The following MGMT variants were observed in gnomAD, a reference collection of about 807,000 sequenced individuals.
MGMT encodes methylated-DNA--protein-cysteine methyltransferase.
A neutral mutation model predicts 15.9 loss-of-function variants in MGMT; 14 were observed. That is an observed-to-expected ratio of 0.88 (90% CI 0.58 to 1.37). MGMT has a LOEUF of 1.37. Among genes scored for constraint, MGMT ranks in the 40% most tolerant of loss-of-function variants. The pLI is 0.00. For synonymous variants in MGMT, 130 were observed against 118.2 expected, an observed-to-expected ratio of 1.10 and a Z score of -0.65; for missense variants, 282 against 268.1, an observed-to-expected ratio of 1.05 and a Z score of -0.36.
At chr10:129,472,226 G>A (rs976578277) in intron 1 of MGMT, among the ~76,000 whole-genome samples, 1 of 152,138 alleles carries the variant, frequency 6.6e-6, no homozygotes, top group African/African-American at 2.4e-5. Context: ...GTGTGTGGGA[G>A]TGATGCTGTT....
chr10:129,512,102 G>A (rs779371082), intron 1 of MGMT, among the ~76,000 whole-genome samples: 1 of 152,166 alleles, frequency 6.6e-6, no homozygotes, highest in Non-Finnish European at 1.5e-5. Context: ...TGGAGATGGG[G>A]GGCGCAGAAA....
At chr10:129,756,888 C>T (rs1029645667) in intron 3 of MGMT, among the ~76,000 whole-genome samples, 2 of 152,220 alleles carry the variant, frequency 1.3e-5, no homozygotes, top group Non-Finnish European at 2.9e-5. Flanking sequence ...GAGTTAATGT[C>T]TATGAGTGGA....
At chr10:129,704,301 CG>C (rs1848133875) in intron 2 of MGMT, among the ~76,000 whole-genome samples, 1 of 152,144 alleles carries the variant, frequency 6.6e-6, no homozygotes, top group Non-Finnish European at 1.5e-5. Flanking sequence ...GAGGCCACTT[CG>C]TTGCCTGCTC....
intron 2 of MGMT, among the ~76,000 whole-genome samples, chr10:129,571,626 A>G (rs565689838): frequency 5.3e-5 from 8 of 152,314 alleles, no homozygotes; most frequent in South Asian, 4.1e-4. Flanking sequence ...TTATTTTCCA[A>G]TGTTTCGATC....
intron 2 of MGMT, among the ~76,000 whole-genome samples, chr10:129,552,811 C>T (rs533676046): frequency 1.3e-5 from 2 of 152,338 alleles, no homozygotes; most frequent in South Asian, 2.1e-4. Flanking sequence ...GCAAGCAGTC[C>T]GTCCTTTTCT....
At chr10:129,530,208 T>C (rs1272095051) in intron 1 of MGMT, among the ~76,000 whole-genome samples, 1 of 152,206 alleles carries the variant, frequency 6.6e-6, no homozygotes, top group Non-Finnish European at 1.5e-5. Flanking sequence ...TGGCCCAGAT[T>C]GGATATTAAT....
chr10:129,627,110 A>G (rs1382122603), intron 2 of MGMT, among the ~76,000 whole-genome samples: 13 of 152,210 alleles, frequency 8.5e-5, no homozygotes, highest in Non-Finnish European at 8.8e-5. Context: ...TCCCTTGGCT[A>G]TGGCTCAGTT....
chr10:129,718,572 C>G (rs960705410), intron 3 of MGMT, among the ~76,000 whole-genome samples: 1 of 152,222 alleles, frequency 6.6e-6, no homozygotes, highest in Non-Finnish European at 1.5e-5. Flanking sequence ...CTTCTCACTT[C>G]TCTTCATGGG....
intron 3 of MGMT, among the ~76,000 whole-genome samples, chr10:129,738,428 G>A (rs985618224): frequency 6.6e-5 from 10 of 152,316 alleles, no homozygotes; most frequent in East Asian, 1.9e-4. Flanking sequence ...CACGGTGCAC[G>A]CACCCACTGA....
At chr10:129,738,984 C>G (rs1429091723) in intron 3 of MGMT, among the ~76,000 whole-genome samples, 1 of 152,172 alleles carries the variant, frequency 6.6e-6, no homozygotes. Flanking sequence ...TCCCTGGGAT[C>G]CAAGGCTGGT....
chr10:129,512,411 C>G (rs1195783740), intron 1 of MGMT, among the ~76,000 whole-genome samples: 2 of 152,182 alleles, frequency 1.3e-5, no homozygotes, highest in Non-Finnish European at 2.9e-5. Context: ...CTCAACTAAT[C>G]TCACCACCTG....
At chr10:129,729,755 C>T (rs116854538) in intron 3 of MGMT, among the ~76,000 whole-genome samples, 1,763 of 152,240 alleles carry the variant, frequency 0.012, 25 homozygotes, top group South Asian at 0.045. Flanking sequence ...AATTTAGGGC[C>T]CAGCTCCTTT....
chr10:129,574,190 C>T (rs1288833223), intron 2 of MGMT, among the ~76,000 whole-genome samples: 2 of 152,206 alleles, frequency 1.3e-5, no homozygotes, highest in Non-Finnish European at 2.9e-5. Flanking sequence ...GCCTCACCTA[C>T]AGCTTCTTGA....
At chr10:129,677,748 G>A (rs986356278) in intron 2 of MGMT, among the ~76,000 whole-genome samples, 1 of 152,184 alleles carries the variant, frequency 6.6e-6, no homozygotes, top group African/African-American at 2.4e-5. Context: ...CCCCCACAAA[G>A]CCCTGAGCAG....
intron 3 of MGMT, among the ~76,000 whole-genome samples, chr10:129,712,114 C>T (rs1241489853): frequency 6.6e-6 from 1 of 152,142 alleles, no homozygotes; most frequent in African/African-American, 2.4e-5. Flanking sequence ...ATACAGAACC[C>T]ATCTGGGCAC....
At chr10:129,591,579 C>T (rs75859760) in intron 2 of MGMT, among the ~76,000 whole-genome samples, 4,089 of 152,314 alleles carry the variant, frequency 0.027, 164 homozygotes, top group African/African-American at 0.087. Context: ...ACCTCTGCAG[C>T]TGTCCACCTA....
chr10:129,713,155 G>A (rs934080797), intron 3 of MGMT, among the ~76,000 whole-genome samples: 5 of 152,118 alleles, frequency 3.3e-5, no homozygotes, highest in African/African-American at 1.2e-4. Context: ...GCTAAAATAG[G>A]AGATGCATTT....
intron 3 of MGMT, among the ~76,000 whole-genome samples, chr10:129,732,398 T>A (rs900511772): frequency 7.2e-6 from 1 of 138,346 alleles, no homozygotes; most frequent in African/African-American, 2.7e-5. Flanking sequence ...AGTGAGAACA[T>A]GCGGTGTTTG....
At chr10:129,606,431 G>A (rs192342766) in intron 2 of MGMT, among the ~76,000 whole-genome samples, 53 of 152,306 alleles carry the variant, frequency 3.5e-4, no homozygotes, top group Admixed American at 2.7e-3. Context: ...TTTTCCTGCC[G>A]TATTAGGGAG....
Sources: gnomAD v4.1 joint callset for allele counts (sites outside exome capture counted in the v4.1 genomes callset) on GRCh38, gnomAD v4.1.1 for gene constraint, MANE v1.5 for transcripts, NCBI Gene and HGNC (gene_info 2026-07-23, HGNC 2026-07-21) for gene names.